ALK: variants seen among roughly 807,000 people sequenced by gnomAD.
ALK encodes the protein ALK receptor tyrosine kinase.
Under a neutral mutation model 163.1 loss-of-function variants are expected in ALK, and 74 were observed. That is an observed-to-expected ratio of 0.45 (90% CI 0.38 to 0.55). The LOEUF (loss-of-function observed/expected upper bound fraction) is 0.55. ALK is among the 20% of genes least tolerant of loss of function. The pLI is 0.00. For missense variants in ALK, 2,063 were observed against 2,105.3 expected (o/e 0.98, Z 0.39); for synonymous variants, 960 against 843.2 (o/e 1.14, Z -2.40).
intron 3 of ALK, among the ~76,000 whole-genome samples, chr2:29,536,828 C>G (rs1673269817): frequency 6.6e-6 from 1 of 152,114 alleles, no homozygotes; most frequent in South Asian, 2.1e-4. Flanking sequence ...TTATTGAAAA[C>G]TGGAATAAAG....
At chr2:29,202,414 A>C (rs1007292838) in intron 26 of ALK, among the ~76,000 whole-genome samples, 1 of 152,260 alleles carries the variant, frequency 6.6e-6, no homozygotes, top group African/African-American at 2.4e-5. Flanking sequence ...AAAAAGGAAC[A>C]GAGTTATCTA....
At chr2:29,319,140 T>G (rs534791555) in intron 7 of ALK, 4 of 152,386 alleles carry the variant, frequency 2.6e-5, no homozygotes, top group Admixed American at 2.6e-4. Context: ...TGGCTCTGCC[T>G]GAAAATCTGG....
intron 4 of ALK, among the ~76,000 whole-genome samples, chr2:29,506,563 G>A (rs759642357): frequency 2.6e-5 from 4 of 152,058 alleles, no homozygotes; most frequent in Non-Finnish European, 4.4e-5. Flanking sequence ...TGGCCAACAC[G>A]GTGAAACCCC....
At chr2:29,443,803 G>T (rs1242892841) in intron 4 of ALK, among the ~76,000 whole-genome samples, 1 of 152,198 alleles carries the variant, frequency 6.6e-6, no homozygotes, top group Non-Finnish European at 1.5e-5. Context: ...AGAGGAGGCT[G>T]ACGTGTAGCC....
At chr2:29,756,805 G>A (rs2148334363) in intron 1 of ALK, among the ~76,000 whole-genome samples, 1 of 152,282 alleles carries the variant, frequency 6.6e-6, no homozygotes, top group South Asian at 2.1e-4. Context: ...GGGATTACAG[G>A]CATGAGCCAC....
At chr2:29,882,474 T>C (rs544241518) in intron 1 of ALK, among the ~76,000 whole-genome samples, 3 of 152,248 alleles carry the variant, frequency 2.0e-5, no homozygotes, top group African/African-American at 4.8e-5. Context: ...GGCAGGTGCA[T>C]CACAAGGTCA....
chr2:29,295,443 A>T (rs2148229878), intron 9 of ALK, among the ~76,000 whole-genome samples: 1 of 152,274 alleles, frequency 6.6e-6, no homozygotes, highest in East Asian at 1.9e-4. Flanking sequence ...CAATCCCCAA[A>T]GACAAAAGAC....
chr2:29,793,670 G>A (rs899625858), intron 1 of ALK, among the ~76,000 whole-genome samples: 5 of 152,124 alleles, frequency 3.3e-5, no homozygotes, highest in African/African-American at 7.2e-5. Flanking sequence ...CTCCATCAGA[G>A]CTCTCCAGTG....
intron 12 of ALK, among the ~76,000 whole-genome samples, chr2:29,244,715 A>T (rs1664613263): frequency 6.6e-6 from 1 of 152,238 alleles, no homozygotes; most frequent in African/African-American, 2.4e-5. Flanking sequence ...TTCTGCCTGC[A>T]GCCCATCCAT....
chr2:29,450,205 A>G lies in ALK; in HGVS notation c.1155-66346T>C, dbSNP rs560327998. ...GCAGCGAACAATAGAAACACATGGG[A>G]CGCCAGGTTCTGAGACCGAGGTTCA... On this transcript the variant is annotated intron_variant, in intron 4 of 28. Transcript: ENST00000389048. Among the ~76,000 whole-genome samples, 7 of 152,284 alleles carry G rather than the reference A, an allele frequency of 4.6e-5. No individual in the cohort carries two copies. In the South Asian group the frequency reaches 1.5e-3, roughly 32 times the overall value.
At chr2:29,494,556 C>T (rs1358897354) in intron 4 of ALK, among the ~76,000 whole-genome samples, 2 of 152,114 alleles carry the variant, frequency 1.3e-5, no homozygotes, top group African/African-American at 4.8e-5. Context: ...AGATGGCTTC[C>T]ACACAGGTGC....
chr2:29,740,337 G>C (rs1680017814), intron 1 of ALK, among the ~76,000 whole-genome samples: 1 of 152,062 alleles, frequency 6.6e-6, no homozygotes, highest in South Asian at 2.1e-4. Context: ...TGAAAGAAGG[G>C]AAGACAGACA....
chr2:29,494,184 G>A (rs1302271576), intron 4 of ALK, among the ~76,000 whole-genome samples: 1 of 152,186 alleles, frequency 6.6e-6, no homozygotes, highest in Non-Finnish European at 1.5e-5. Context: ...CTCAGAGCCT[G>A]TCACCCAGAA....
At chr2:29,268,114 T>C (rs139225796) in intron 11 of ALK, among the ~76,000 whole-genome samples, 1 of 152,306 alleles carries the variant, frequency 6.6e-6, no homozygotes, top group African/African-American at 2.4e-5. Flanking sequence ...GTATCGACTT[T>C]ATGTGGAAGC....
chr2:29,595,113 G>C (rs983655695), intron 3 of ALK, among the ~76,000 whole-genome samples: 7 of 152,072 alleles, frequency 4.6e-5, no homozygotes, highest in African/African-American at 1.7e-4. Flanking sequence ...ATGCCAAGTA[G>C]ACGAATATTT....
chr2:29,629,085 G>A (rs1487776603), intron 3 of ALK, among the ~76,000 whole-genome samples: 4 of 152,078 alleles, frequency 2.6e-5, no homozygotes, highest in African/African-American at 9.7e-5. Flanking sequence ...GAAACATGGC[G>A]CTCTGCCTAG....
intron 4 of ALK, among the ~76,000 whole-genome samples, chr2:29,526,592 G>A (rs1427496830): frequency 6.6e-6 from 1 of 152,236 alleles, no homozygotes; most frequent in Non-Finnish European, 1.5e-5. Context: ...GACTTTGAAA[G>A]TGAGAAAAAG....
chr2:29,249,264 C>G (rs1664758516), intron 12 of ALK, among the ~76,000 whole-genome samples: 2 of 152,156 alleles, frequency 1.3e-5, no homozygotes, highest in African/African-American at 4.8e-5. Context: ...TTGCCCTGGG[C>G]AGGGGTAGGA....
chr2:29,521,200 G>A (rs1672802912), intron 4 of ALK, among the ~76,000 whole-genome samples: 1 of 152,162 alleles, frequency 6.6e-6, no homozygotes, highest in Non-Finnish European at 1.5e-5. Context: ...GGTGGAGCAA[G>A]GTCCTGGATC....
Sources: allele counts gnomAD v4.1 joint callset (sites outside exome capture counted in the v4.1 genomes callset), GRCh38; gene constraint gnomAD v4.1.1; transcripts MANE v1.5; gene names NCBI Gene and HGNC (gene_info 2026-07-23, HGNC 2026-07-21).